Variants in DPYD observed in about 807,000 individuals in gnomAD.
The protein encoded by DPYD is dihydropyrimidine dehydrogenase [NADP(+)].
DPYD carries 109 observed loss-of-function variants against 116.2 expected under a neutral mutation model. That is an observed-to-expected ratio of 0.94 (90% confidence interval 0.80 to 1.10). The LOEUF is 1.10. Ranked by LOEUF, DPYD falls within the 50% of genes least tolerant of loss-of-function variation. DPYD has a pLI of 0.00. For synonymous variants in DPYD, 440 were observed against 432.0 expected (o/e 1.02, Z -0.23); for missense variants, 1,302 against 1,254.5 (o/e 1.04, Z -0.57).
At chr1:97,833,491 A>G (rs1669628115) in intron 2 of DPYD, among the ~76,000 whole-genome samples, 1 of 152,036 alleles carries the variant, frequency 6.6e-6, no homozygotes, top group Non-Finnish European at 1.5e-5. Flanking sequence ...AGATTAAGAG[A>G]AAAAAAGGGG....
intron 16 of DPYD, among the ~76,000 whole-genome samples, chr1:97,365,629 T>TA (rs1400074045): frequency 4.6e-5 from 7 of 152,146 alleles, no homozygotes; most frequent in South Asian, 2.1e-4. Flanking sequence ...CCAAGTAAGT[T>TA]AAAAAAATCC....
intron 13 of DPYD, among the ~76,000 whole-genome samples, chr1:97,488,660 G>T (rs1270416337): frequency 1.3e-5 from 2 of 152,240 alleles, no homozygotes; most frequent in Admixed American, 6.5e-5. Flanking sequence ...TTGAGACCTA[G>T]CTAAAACAGG....
At chr1:97,720,310 A>C in intron 5 of DPYD, 4 of 985,484 alleles carry the variant, frequency 4.1e-6, no homozygotes, top group Non-Finnish European at 4.8e-6. Flanking sequence ...GCATCTGTGA[A>C]AGCTTGCCCT....
intron 20 of DPYD, among the ~76,000 whole-genome samples, chr1:97,141,590 T>C (rs1027104754): frequency 1.3e-5 from 2 of 152,206 alleles, no homozygotes; most frequent in Admixed American, 6.5e-5. Context: ...TTGAGCTCCC[T>C]TGCCTTCTCC....
chr1:97,302,281 T>C lies in DPYD; in HGVS notation c.2299+2978A>G, dbSNP rs1405924761. Reference sequence around the variant, plus strand: ...TGGAGAGCTGAATCAGCCATCCTTGTTTGATAAAAAATATTCCTTTTGGAT... The same window carrying C: ...TGGAGAGCTGAATCAGCCATCCTTGCTTGATAAAAAATATTCCTTTTGGAT... On this transcript the variant is annotated intron_variant, in intron 18 of 22. Coordinates refer to ENST00000370192, the MANE Select transcript of DPYD (RefSeq NM_000110.4). Among the ~76,000 whole-genome samples the C allele has an allele frequency of 2.6e-5, 4 of 152,146 alleles. No individual in the cohort carries two copies. In the East Asian group the frequency reaches 5.8e-4, roughly 22 times the overall value.
At chr1:97,662,253 C>T (rs961552855) in intron 8 of DPYD, among the ~76,000 whole-genome samples, 2 of 151,580 alleles carry the variant, frequency 1.3e-5, no homozygotes, top group African/African-American at 4.8e-5. Flanking sequence ...CCACCCGCCT[C>T]GGCCTCCCAA....
At chr1:97,441,651 C>T (rs765440549) in intron 14 of DPYD, among the ~76,000 whole-genome samples, 1 of 152,166 alleles carries the variant, frequency 6.6e-6, no homozygotes, top group Non-Finnish European at 1.5e-5. Context: ...AATCTTGTCA[C>T]TTCTAGGATG....
At chr1:97,452,239 A>G (rs1270135499) in intron 13 of DPYD, among the ~76,000 whole-genome samples, 6 of 152,018 alleles carry the variant, frequency 3.9e-5, no homozygotes, top group African/African-American at 1.2e-4. Flanking sequence ...AACAATATAT[A>G]CCTTCCTCAA....
At position 97,772,969 on chromosome 1, in the gene DPYD, C is replaced by A. The variant is rs1220610625; in HGVS notation, c.234-32490G>T. Among the ~76,000 whole-genome samples, 3 of 152,284 alleles carry A rather than the reference C, an allele frequency of 2.0e-5. No homozygotes were observed. The East Asian group carries it at 5.8e-4, about 29-fold the overall frequency. On this transcript the variant is annotated intron_variant, in intron 3 of 22. Coordinates refer to ENST00000370192, the MANE Select transcript of DPYD (RefSeq NM_000110.4). ...CCTCTATGATTTTTCATGGCCTCTG[C>A]AGGAGATTCACTTGGAGAGTAGAAA...
chr1:97,659,862 AT>A (rs1659153730), intron 8 of DPYD, among the ~76,000 whole-genome samples: 1 of 152,144 alleles, frequency 6.6e-6, no homozygotes, highest in Non-Finnish European at 1.5e-5. Flanking sequence ...ACCTTACTGT[AT>A]ATGAGTATTG....
chr1:97,477,421 A>G (rs968756735), intron 13 of DPYD, among the ~76,000 whole-genome samples: 9 of 152,134 alleles, frequency 5.9e-5, no homozygotes, highest in Admixed American at 3.9e-4. Flanking sequence ...TCCCTCCACC[A>G]AAGTTTTGAA....
intron 18 of DPYD, among the ~76,000 whole-genome samples, chr1:97,247,306 T>A (rs1662783482): frequency 6.6e-6 from 1 of 152,172 alleles, no homozygotes; most frequent in African/African-American, 2.4e-5. Flanking sequence ...CTACATTATT[T>A]CAGACAAGAT....
At chr1:97,900,619 C>A (rs1045246730) in intron 1 of DPYD, among the ~76,000 whole-genome samples, 2 of 151,828 alleles carry the variant, frequency 1.3e-5, no homozygotes. Context: ...ATTGTGCCAG[C>A]ACAAAAAAAG....
At chr1:97,329,142 A>G (rs1668853685) in intron 16 of DPYD, among the ~76,000 whole-genome samples, 1 of 152,186 alleles carries the variant, frequency 6.6e-6, no homozygotes, top group South Asian at 2.1e-4. Flanking sequence ...ATAATAGTAA[A>G]TCTGAATTTT....
intron 11 of DPYD, among the ~76,000 whole-genome samples, chr1:97,572,909 A>C (rs1482332531): frequency 6.6e-6 from 1 of 152,040 alleles, no homozygotes; most frequent in Non-Finnish European, 1.5e-5. Flanking sequence ...TAATTTTAGC[A>C]TGGATATAGT....
intron 20 of DPYD, among the ~76,000 whole-genome samples, chr1:97,106,538 G>T (rs1281872200): frequency 1.3e-5 from 2 of 152,114 alleles, no homozygotes; most frequent in Non-Finnish European, 2.9e-5. Context: ...GCATGCTCTT[G>T]GATATCAGAG....
At chr1:97,495,063 G>A (rs1394287746) in intron 13 of DPYD, among the ~76,000 whole-genome samples, 1 of 152,140 alleles carries the variant, frequency 6.6e-6, no homozygotes, top group Non-Finnish European at 1.5e-5. Context: ...ATCATGTGAA[G>A]TCTGAGAAAT....
At chr1:97,274,790 C>T (rs755104862) in intron 18 of DPYD, among the ~76,000 whole-genome samples, 6 of 152,128 alleles carry the variant, frequency 3.9e-5, no homozygotes, top group Non-Finnish European at 8.8e-5. Context: ...GTGATCAGTG[C>T]TGGTTGGTAA....
intron 14 of DPYD, among the ~76,000 whole-genome samples, chr1:97,393,789 T>C (rs1327641714): frequency 6.6e-6 from 1 of 152,152 alleles, no homozygotes; most frequent in Admixed American, 6.6e-5. Context: ...TGATTTATAA[T>C]CCTTTGGGTA....
Sources: gnomAD v4.1 joint callset for allele counts (sites outside exome capture counted in the v4.1 genomes callset) on GRCh38, gnomAD v4.1.1 for gene constraint, MANE v1.5 for transcripts, NCBI Gene and HGNC (gene_info 2026-07-23, HGNC 2026-07-21) for gene names.